The following TRAT1 variants were observed in gnomAD, a reference collection of about 807,000 sequenced individuals.
TRAT1 encodes the protein T-cell receptor-associated transmembrane adapter 1.
A neutral mutation model predicts 20.0 loss-of-function variants in TRAT1; 20 were observed. The observed-to-expected ratio is 1.00, with a 90% CI of 0.70 to 1.45. The LOEUF (loss-of-function observed/expected upper bound fraction) is 1.45. Among genes scored for constraint, TRAT1 ranks in the 40% most tolerant of loss-of-function variants. The probability of loss-of-function intolerance (pLI) is 0.00; values close to 1 mark genes in which losing one functional copy is unlikely to be tolerated. For missense variants in TRAT1, 237 were observed against 224.1 expected (o/e 1.06, Z -0.37); for synonymous variants, 77 against 74.2 (o/e 1.04, Z -0.20).
At chr3:108,845,937 A>G (rs76239230) in intron 3 of TRAT1, among the ~76,000 whole-genome samples, 8,378 of 152,234 alleles carry the variant, frequency 0.055, 309 homozygotes, top group Middle Eastern at 0.13. Context: ...TCCTAATAGC[A>G]TTACTCACGT....
At chr3:108,845,654 T>C (rs1459152190) in intron 3 of TRAT1, among the ~76,000 whole-genome samples, 1 of 152,246 alleles carries the variant, frequency 6.6e-6, no homozygotes, top group Non-Finnish European at 1.5e-5. Flanking sequence ...CTGTGTCTTT[T>C]TTCAGTGGCA....
intron 2 of TRAT1, among the ~76,000 whole-genome samples, chr3:108,833,587 T>C (rs1945814019): frequency 2.0e-5 from 3 of 152,260 alleles, no homozygotes; most frequent in African/African-American, 7.2e-5. Context: ...GAACAATAAA[T>C]TGCATTTATT....
intron 2 of TRAT1, among the ~76,000 whole-genome samples, chr3:108,835,226 A>G (rs1945828255): frequency 6.6e-6 from 1 of 152,214 alleles, no homozygotes; most frequent in Non-Finnish European, 1.5e-5. Flanking sequence ...AAAAGCAAAC[A>G]TATTTGCATC....
chr3:108,852,498 A>T (rs1020943204), intron 5 of TRAT1, among the ~76,000 whole-genome samples: 1 of 152,228 alleles, frequency 6.6e-6, no homozygotes, highest in African/African-American at 2.4e-5. Flanking sequence ...CATGAAAACA[A>T]GTGCCAACGG....
At chr3:108,836,949 G>A (rs975212129) in intron 2 of TRAT1, among the ~76,000 whole-genome samples, 1 of 152,100 alleles carries the variant, frequency 6.6e-6, no homozygotes, top group African/African-American at 2.4e-5. Flanking sequence ...AATAATTAGT[G>A]GCCTGAGTGT....
intron 2 of TRAT1, among the ~76,000 whole-genome samples, chr3:108,834,495 C>T (rs1246288171): frequency 6.6e-6 from 1 of 152,210 alleles, no homozygotes; most frequent in Non-Finnish European, 1.5e-5. Context: ...AACTGCTCTG[C>T]AAACAGTTCA....
At chr3:108,828,350 G>C (rs1389345418) in intron 1 of TRAT1, among the ~76,000 whole-genome samples, 1 of 152,074 alleles carries the variant, frequency 6.6e-6, no homozygotes, top group African/African-American at 2.4e-5. Context: ...AGAAAAAGGG[G>C]TATTAGAAAT....
chr3:108,851,474 C>T (rs1945997417), intron 5 of TRAT1, among the ~76,000 whole-genome samples: 1 of 152,142 alleles, frequency 6.6e-6, no homozygotes. Context: ...ATCCTCTCTC[C>T]TTTCCAAAGC....
intron 3 of TRAT1, among the ~76,000 whole-genome samples, chr3:108,840,691 C>G (rs1452838036): frequency 1.3e-5 from 2 of 152,156 alleles, no homozygotes; most frequent in Non-Finnish European, 2.9e-5. Context: ...TGCCAACCAC[C>G]AGGAATAGGA....
chr3:108,838,880 T>C (rs1945865526), intron 2 of TRAT1, 54 bp from the exon 3 acceptor site: 1 of 1,367,784 alleles, frequency 7.3e-7, no homozygotes. Flanking sequence ...TTAGAATATT[T>C]AACAAAGGTA....
At chr3:108,824,449 T>C (rs1273768551) in intron 1 of TRAT1, among the ~76,000 whole-genome samples, 1 of 152,222 alleles carries the variant, frequency 6.6e-6, no homozygotes, top group African/African-American at 2.4e-5. Context: ...TCAATATGCA[T>C]TACTTTGATT....
chr3:108,825,956 T>C (rs865962157), intron 1 of TRAT1, among the ~76,000 whole-genome samples: 21 of 152,264 alleles, frequency 1.4e-4, no homozygotes, highest in Middle Eastern at 6.8e-3. Context: ...GAAAGACAAG[T>C]TCATCTACAG....
intron 3 of TRAT1, among the ~76,000 whole-genome samples, chr3:108,842,511 A>G (rs1335760430): frequency 1.3e-5 from 2 of 152,134 alleles, no homozygotes. Flanking sequence ...ATGTGTAACC[A>G]AAGTGTCTCT....
chr3:108,843,582 T>C (rs1945914545), intron 3 of TRAT1, among the ~76,000 whole-genome samples: 1 of 152,120 alleles, frequency 6.6e-6, no homozygotes, highest in Non-Finnish European at 1.5e-5. Context: ...CAAAACTAGA[T>C]TGCCTTACAG....
chr3:108,828,381 T>C (rs1945761874), intron 1 of TRAT1, among the ~76,000 whole-genome samples: 1 of 152,084 alleles, frequency 6.6e-6, no homozygotes, highest in Non-Finnish European at 1.5e-5. Flanking sequence ...GTATGAAAGA[T>C]AACCAAATAA....
chr3:108,852,930 T>C (rs370870318), intron 5 of TRAT1, among the ~76,000 whole-genome samples: 2 of 152,228 alleles, frequency 1.3e-5, no homozygotes, highest in Non-Finnish European at 2.9e-5. Context: ...CCTAGTTTCC[T>C]GTCTTTCTTT....
At chr3:108,823,718 T>C (rs1945712086) in intron 1 of TRAT1, among the ~76,000 whole-genome samples, 1 of 152,248 alleles carries the variant, frequency 6.6e-6, no homozygotes, top group South Asian at 2.1e-4. Context: ...AATAATAATG[T>C]ACATAATATA....
At chr3:108,845,704 C>CA (rs1320101115) in intron 3 of TRAT1, among the ~76,000 whole-genome samples, 1 of 146,088 alleles carries the variant, frequency 6.8e-6, no homozygotes, top group African/African-American at 2.5e-5. Context: ...GATAAGAGTC[C>CA]TTTTTTTTTT....
intron 1 of TRAT1, among the ~76,000 whole-genome samples, chr3:108,825,144 GTAAAA>G (rs765779627): frequency 7.2e-5 from 11 of 151,882 alleles, no homozygotes; most frequent in Non-Finnish European, 1.6e-4. Flanking sequence ...ATTTAGATAG[GTAAAA>G]TAAAAAATAA....
Sources: allele counts gnomAD v4.1 joint callset (sites outside exome capture counted in the v4.1 genomes callset), GRCh38; gene constraint gnomAD v4.1.1; transcripts MANE v1.5; gene names NCBI Gene and HGNC (gene_info 2026-07-23, HGNC 2026-07-21).